The following ECT2L variants were observed in gnomAD, a reference collection of about 807,000 sequenced individuals.
ECT2L encodes the protein epithelial cell-transforming sequence 2 oncogene-like.
Under a neutral mutation model 122.8 loss-of-function variants are expected in ECT2L, and 126 were observed. The ratio of observed to expected loss-of-function variants is 1.03; its 90% CI spans 0.89 to 1.19. The LOEUF (loss-of-function observed/expected upper bound fraction) is 1.19, where lower values mean the gene tolerates loss of function less well. Among genes scored for constraint, ECT2L ranks in the 50% most tolerant of loss-of-function variants. The pLI is 0.00. For missense variants in ECT2L, 1,012 were observed against 1,064.1 expected, an observed-to-expected ratio of 0.95 and a Z score of 0.68; for synonymous variants, 385 against 381.8, an observed-to-expected ratio of 1.01 and a Z score of -0.10.
At chr6:138,833,504 G>A (rs1279141551) in intron 4 of ECT2L, among the ~76,000 whole-genome samples, 5 of 152,106 alleles carry the variant, frequency 3.3e-5, no homozygotes, top group African/African-American at 4.8e-5. Flanking sequence ...TGCAACTCAG[G>A]AGTTGCACAG....
At chr6:138,816,363 A>C (rs11155008) in intron 4 of ECT2L, among the ~76,000 whole-genome samples, 35,845 of 151,992 alleles carry the variant, frequency 0.24, 4,475 homozygotes, top group Middle Eastern at 0.32. Context: ...AGAATATAAA[A>C]CTAACCTGTT....
intron 6 of ECT2L, among the ~76,000 whole-genome samples, chr6:138,843,523 G>A (rs1198545532): frequency 6.6e-6 from 1 of 152,048 alleles, no homozygotes; most frequent in Non-Finnish European, 1.5e-5. Flanking sequence ...TTGAACATGG[G>A]GAAAAAAGCA....
At position 138,813,310 on chromosome 6, in the gene ECT2L, A is replaced by G; in HGVS notation, c.36A>G (p.Thr12=). The change falls in exon 3 of 22, where the codon ACA becomes ACG. Residue 12 remains threonine, a synonymous_variant. Coordinates refer to ENST00000541398, the MANE Select transcript of ECT2L (RefSeq NM_001077706.3). ...ESFHTRFSAW[T]PFSNKSLNRQ... is the part of the protein sequence containing the mutation. ...TCCACACCAGATTTAGTGCCTGGAC[A>G]CCTTTTAGCAACAAGTCATTAAATA... 6.2e-7 allele frequency: 1 copy of G among 1,612,316 alleles called. No individual in the cohort carries two copies. Among genetic ancestry groups the G allele is most frequent in the African/African-American group, 1.3e-5 (1 of 74,948 alleles).
chr6:138,855,790 A>T lies in ECT2L; in HGVS notation c.1198+1636A>T, dbSNP rs115437055. Among the ~76,000 whole-genome samples the T allele has an allele frequency of 3.0e-3, 457 of 152,330 alleles. 3 individuals are homozygous for T. Among genetic ancestry groups the T allele is most frequent in the African/African-American group, 0.01 (432 of 41,568 alleles). ...TTCCTTTTTCTCTCCCTTTTAAAAA[A>T]TGTATTTTGTCTCAATTTCCTGTAA... On this transcript the variant is annotated intron_variant, in intron 10 of 21. Transcript: ENST00000541398.
intron 4 of ECT2L, among the ~76,000 whole-genome samples, chr6:138,817,228 GTGC>G (rs1197712428): frequency 2.0e-5 from 3 of 152,076 alleles, no homozygotes; most frequent in Non-Finnish European, 4.4e-5. Flanking sequence ...ATTATAAATA[GTGC>G]TGCTATGAAC....
intron 10 of ECT2L, among the ~76,000 whole-genome samples, chr6:138,856,438 C>T (rs909848896): frequency 6.6e-6 from 1 of 152,074 alleles, no homozygotes; most frequent in African/African-American, 2.4e-5. Flanking sequence ...TGGTCTAGAA[C>T]TTCTGACCTC....
chr6:138,807,821 G>A (rs1775761240), intron 1 of ECT2L, among the ~76,000 whole-genome samples: 1 of 152,186 alleles, frequency 6.6e-6, no homozygotes, highest in Admixed American at 6.5e-5. Context: ...TAGGTAGAGT[G>A]TCCATATGTA....
chr6:138,796,556 C>G (rs1012311525), intron 1 of ECT2L, among the ~76,000 whole-genome samples: 35 of 152,022 alleles, frequency 2.3e-4, no homozygotes, highest in African/African-American at 8.5e-4. Context: ...TGACAGTTCT[C>G]TCCCTCTTTC....
chr6:138,802,438 C>T (rs1252902142), intron 1 of ECT2L, among the ~76,000 whole-genome samples: 2 of 152,142 alleles, frequency 1.3e-5, no homozygotes, highest in Admixed American at 6.5e-5. Flanking sequence ...ATGATAACCC[C>T]ATTAGATAAT....
chr6:138,877,142 T>C (rs1160194258), intron 14 of ECT2L, among the ~76,000 whole-genome samples: 1 of 151,904 alleles, frequency 6.6e-6, no homozygotes, highest in Admixed American at 6.6e-5. Flanking sequence ...AGAACTAGAG[T>C]TAAGAAAAGT....
chr6:138,888,602 C>T (rs544265858), intron 19 of ECT2L, among the ~76,000 whole-genome samples: 1 of 152,274 alleles, frequency 6.6e-6, no homozygotes, highest in East Asian at 1.9e-4. Context: ...GCATGAGCCA[C>T]CGCGCCCAGC....
intron 13 of ECT2L, among the ~76,000 whole-genome samples, chr6:138,869,311 CT>C (rs1285874081): frequency 6.6e-6 from 1 of 152,242 alleles, no homozygotes; most frequent in African/African-American, 2.4e-5. Context: ...AGTCTCAAAT[CT>C]TTCTCTTCCA....
Position 138,844,467 on chromosome 6 carries a change from G to C in ECT2L, c.651G>C (p.Val217=), listed in dbSNP as rs377236019. ...TGAGTGGAACTTGCTGCTCTAGCGT[G>C]CTAAAGCCCAGATGCCAACCACGCC... ...PWVSGTCCSS[V]LKPRCQPRLS... The change falls in exon 7 of 22, where the codon GTG becomes GTC. Residue 217 remains valine (V), a synonymous_variant. Transcript: ENST00000541398. The C allele has an allele frequency of 1.9e-5, 31 of 1,614,036 alleles. No individual in the cohort carries two copies. Among genetic ancestry groups the C allele is most frequent in the Non-Finnish European group, 2.2e-5 (26 of 1,180,036 alleles).
chr6:138,875,387 G>GTA (rs1562486765), intron 13 of ECT2L, among the ~76,000 whole-genome samples: 2 of 152,222 alleles, frequency 1.3e-5, no homozygotes, highest in Non-Finnish European at 2.9e-5. Flanking sequence ...AAGGAGCCTT[G>GTA]GTTACAAATT....
intron 4 of ECT2L, among the ~76,000 whole-genome samples, chr6:138,835,683 C>G (rs1776810593): frequency 6.6e-6 from 1 of 152,038 alleles, no homozygotes. Context: ...TGTGTGTTTC[C>G]TAAAACACAA....
At chr6:138,887,784 GCTTTT>G (rs1434563221) in intron 19 of ECT2L, among the ~76,000 whole-genome samples, 1 of 152,070 alleles carries the variant, frequency 6.6e-6, no homozygotes, top group Non-Finnish European at 1.5e-5. Flanking sequence ...CTCTGAAATT[GCTTTT>G]CTTTCCTATT....
intron 12 of ECT2L, among the ~76,000 whole-genome samples, chr6:138,867,372 T>G (rs916835266): frequency 3.9e-5 from 6 of 152,126 alleles, no homozygotes; most frequent in Non-Finnish European, 8.8e-5. Flanking sequence ...TGCATTTTTA[T>G]CCACTAAAAA....
chr6:138,896,689 C>A (rs1028255643), intron 20 of ECT2L, among the ~76,000 whole-genome samples: 1 of 152,096 alleles, frequency 6.6e-6, no homozygotes, highest in Non-Finnish European at 1.5e-5. Flanking sequence ...TTCTTGTTGC[C>A]CAGGCTGGAG....
At chr6:138,873,230 A>T (rs369167493) in intron 13 of ECT2L, among the ~76,000 whole-genome samples, 41 of 76,856 alleles carry the variant, frequency 5.3e-4, no homozygotes, top group Middle Eastern at 6.8e-3. Context: ...AAATTTGATT[A>T]AAAAAAATCG....
Sources: allele counts gnomAD v4.1 joint callset (sites outside exome capture counted in the v4.1 genomes callset), GRCh38; gene constraint gnomAD v4.1.1; transcripts MANE v1.5; gene names NCBI Gene and HGNC (gene_info 2026-07-23, HGNC 2026-07-21).